BCL11B: variants seen among roughly 807,000 people sequenced by gnomAD.
BCL11B encodes the protein BCL11 transcription factor B.
Under a neutral mutation model 49.9 loss-of-function variants are expected in BCL11B, and 8 were observed. The observed-to-expected ratio is 0.16, with a 90% confidence interval of 0.09 to 0.29. The LOEUF (loss-of-function observed/expected upper bound fraction) is 0.29. Among genes scored for constraint, BCL11B ranks in the 10% least tolerant of loss-of-function variants. The probability of loss-of-function intolerance (pLI) is 1.00; values close to 1 mark genes in which losing one functional copy is unlikely to be tolerated. For synonymous variants in BCL11B, 739 were observed against 637.4 expected (o/e 1.16, Z -2.40); for missense variants, 1,006 against 1,351.0 (o/e 0.74, Z 4.00).
In BCL11B at chr14:99,175,387, C is replaced by A. The variant is rs764427299; in HGVS notation, c.1449G>T (p.Ser483=). Residue 483 remains serine (S), a synonymous_variant, in exon 4 of 4, where the codon TCG becomes TCT. Transcript: ENST00000357195. Reference sequence around the variant, plus strand: ...GCCCGTCGTCGGAGCGGCCGGCCAGCGAGCCGGCCTTGTGCATGTGCGTCT... The same window carrying A: ...GCCCGTCGTCGGAGCGGCCGGCCAGAGAGCCGGCCTTGTGCATGTGCGTCT... The part of the protein sequence containing the change: ...HMKTHMHKAG[S]LAGRSDDGLS... 1.3e-6 allele frequency: 2 copies of A among 1,595,032 alleles called. No homozygotes were observed. The highest frequency in any genetic ancestry group is 2.2e-5 in the South Asian group (2 of 89,930).
rs565620611 is a variant in BCL11B, at chr14:99,203,376, G to A, written c.641-27181C>T. Reference sequence around the variant, plus strand: ...ACTTGACCCCTGAGACCTTCTAGTGGCAGGATGCTGACATGCATGCCTGGG... The same window carrying A: ...ACTTGACCCCTGAGACCTTCTAGTGACAGGATGCTGACATGCATGCCTGGG... On this transcript the variant is annotated intron_variant, in intron 3 of 3. Transcript: ENST00000357195. Among the ~76,000 whole-genome samples the A allele has an allele frequency of 7.9e-5, 12 of 152,304 alleles. No homozygotes were observed. In the South Asian group the frequency reaches 1.5e-3, roughly 18 times the overall value.
At chr14:99,269,620 C>G (rs1393398835) in intron 1 of BCL11B, among the ~76,000 whole-genome samples, 1 of 151,928 alleles carries the variant, frequency 6.6e-6, no homozygotes, top group Non-Finnish European at 1.5e-5. Flanking sequence ...CAGATGGCTC[C>G]TATGCTGGGT....
At chr14:99,268,638 CT>C (rs1357215069) in intron 1 of BCL11B, among the ~76,000 whole-genome samples, 1 of 151,982 alleles carries the variant, frequency 6.6e-6, no homozygotes, top group Non-Finnish European at 1.5e-5. Flanking sequence ...GCTCTCCCAC[CT>C]CCCTCCCAGG....
At position 99,262,292 on chromosome 14, in the gene BCL11B, G is replaced by A. The variant is rs1324935404; in HGVS notation, c.59-4453C>T. Among the ~76,000 whole-genome samples, 1 of 152,204 alleles carries A rather than the reference G, an allele frequency of 6.6e-6. No homozygotes were observed. Among genetic ancestry groups the A allele is most frequent in the African/African-American group, 2.4e-5 (1 of 41,456 alleles). On this transcript the variant is annotated intron_variant, in intron 1 of 3. Coordinates refer to ENST00000357195, the MANE Select transcript of BCL11B (RefSeq NM_138576.4). This position sits in a 1 kb window ranked among gnomAD's most constrained non-coding sequence, Gnocchi z 4.2. The stretch of plus-strand genomic sequence containing the variant: ...GGGAACTCCAGCCGAGAGGTCTGCT[G>A]CCTGCTGTCCCCAGAGCACAGGCAT...
rs919290740 is a variant in BCL11B, at chr14:99,184,249, G to T, written c.641-8054C>A. Reference sequence around the variant, plus strand: ...GCCATTCCTGCTTCTTGGAATACCTGCCGTTTATTCTCTCCCCATAAAATA... The same window carrying T: ...GCCATTCCTGCTTCTTGGAATACCTTCCGTTTATTCTCTCCCCATAAAATA... On this transcript the variant is annotated intron_variant, in intron 3 of 3. Coordinates refer to ENST00000357195, the MANE Select transcript of BCL11B (RefSeq NM_138576.4). The surrounding 1 kb of genome is among the most constrained non-coding windows in gnomAD (Gnocchi z 6.1). 3.3e-5 allele frequency among the ~76,000 whole-genome samples: 5 copies of T among 152,094 alleles called. No homozygotes were observed. Among genetic ancestry groups the T allele is most frequent in the African/African-American group, 4.8e-5 (2 of 41,410 alleles).
rs1430994150 is a variant in BCL11B at position 99,174,580 on chromosome 14, G to A, written c.2256C>T (p.Phe752=). Reference sequence around the variant, plus strand: ...CCAGCAGGTCCCCGGGCGGCGTGGAGAAGCGCAGGCTGCCGTTCTCGGACG... The same window carrying A: ...CCAGCAGGTCCCCGGGCGGCGTGGAAAAGCGCAGGCTGCCGTTCTCGGACG... ...EHSSENGSLR[F]STPPGDLLDG... is the part of the protein sequence containing the mutation. The change falls in exon 4 of 4, where the codon TTC becomes TTT. Residue 752 remains phenylalanine, a synonymous_variant. Transcript: ENST00000357195. 1.3e-6 allele frequency: 2 copies of A among 1,522,746 alleles called. No individual in the cohort carries two copies. Among genetic ancestry groups the A allele is most frequent in the Non-Finnish European group, 8.8e-7 (1 of 1,137,998 alleles). The allele number at this position is 1,522,746 out of a possible 1,614,324, so 94.3% of individuals were successfully genotyped here. A position where few individuals can be genotyped will look rare whatever the true frequency, so the allele number is the denominator to read the frequency against.
intron 3 of BCL11B, among the ~76,000 whole-genome samples, chr14:99,217,121 C>T (rs1011384762): frequency 2.6e-5 from 4 of 152,166 alleles, no homozygotes; most frequent in Non-Finnish European, 5.9e-5. Context: ...TACACATACA[C>T]ATATGTGCAC....
Position 99,231,608 on chromosome 14 carries a change from G to T in BCL11B, c.428-51C>A. The T allele has an allele frequency of 6.6e-7, 1 of 1,519,320 alleles. No homozygotes were observed. Among genetic ancestry groups the T allele is most frequent in the South Asian group, 1.2e-5 (1 of 83,398 alleles). 94.1% of individuals were successfully genotyped at this position (1,519,320 alleles called of 1,614,324 possible). A position where few individuals can be genotyped will look rare whatever the true frequency, so the allele number is the denominator to read the frequency against. ...TGGTCAGTCGGGCCCTGGACTGTGT[G>T]AGGGGCACGGGGTGGGACGGGGCTC... On this transcript the variant is annotated intron_variant, in intron 2 of 3. Transcript: ENST00000357195. The surrounding 1 kb of genome is among the most constrained non-coding windows in gnomAD (Gnocchi z 8.1).
chr14:99,232,588 C>G lies in BCL11B; in HGVS notation c.428-1031G>C, dbSNP rs910664182. Reference sequence around the variant, plus strand: ...GGGTGGGAGTCTGCCCACTCCAGGGCCCCCACGTGGATTCCCCCATCGCAA... The same window carrying G: ...GGGTGGGAGTCTGCCCACTCCAGGGGCCCCACGTGGATTCCCCCATCGCAA... On this transcript the variant is annotated intron_variant, in intron 2 of 3. Transcript: ENST00000357195. This position sits in a 1 kb window ranked among gnomAD's most constrained non-coding sequence, Gnocchi z 5.1. 1.3e-5 allele frequency among the ~76,000 whole-genome samples: 2 copies of G among 152,310 alleles called. No individual in the cohort carries two copies. Among genetic ancestry groups the G allele is most frequent in the Non-Finnish European group, 2.9e-5 (2 of 68,018 alleles).
At chr14:99,237,398 G>A (rs575128629) in intron 2 of BCL11B, among the ~76,000 whole-genome samples, 2 of 152,170 alleles carry the variant, frequency 1.3e-5, no homozygotes, top group Non-Finnish European at 2.9e-5. Context: ...ATGAAAAGCT[G>A]CAAGTCTAGG....
chr14:99,229,043 CATGGATGGATGGATGG>C lies in BCL11B; in HGVS notation c.640+2286_640+2301del, dbSNP rs1181779397. Among the ~76,000 whole-genome samples, 24 of 104,858 alleles carry C rather than the reference CATGGATGGATGGATGG, an allele frequency of 2.3e-4. No homozygotes were observed. The South Asian group carries it at 3.4e-3, about 15-fold the overall frequency. 68.8% of individuals were successfully genotyped at this position (104,858 alleles called of 152,430 possible). A position where few individuals can be genotyped will look rare whatever the true frequency, so the allele number is the denominator to read the frequency against. On this transcript the variant is annotated intron_variant, in intron 3 of 3. Coordinates refer to ENST00000357195, the MANE Select transcript of BCL11B (RefSeq NM_138576.4). Reference sequence around the variant, plus strand: ...GGATGGATGGATGGATGGATGGATGCATGGATGGATGGATGGATGGATGGATGGATGGATGGATGGA... The same window carrying C: ...GGATGGATGGATGGATGGATGGATGCATGGATGGATGGATGGATGGATGGA...
In BCL11B at chr14:99,271,754, AAT is replaced by A. The variant is rs1029157596; in HGVS notation, c.-538_-537del. On this transcript the variant is annotated 5_prime_UTR_variant, in exon 1 of 4. Coordinates refer to ENST00000357195, the MANE Select transcript of BCL11B (RefSeq NM_138576.4). ...GAAAAAAAATGCAAACAAATAAAAA[AAT>A]AAAAGAAGAAAAAGCAAAGGAAAAA... is the stretch of plus-strand genomic sequence containing the variant. 2.2e-3 allele frequency among the ~76,000 whole-genome samples: 327 copies of A among 152,004 alleles called. No homozygotes were observed. Among genetic ancestry groups the A allele is most frequent in the African/African-American group, 7.5e-3 (310 of 41,358 alleles).
At position 99,195,294 on chromosome 14, in the gene BCL11B, T is replaced by C. The variant is rs1261543521; in HGVS notation, c.641-19099A>G. On this transcript the variant is annotated intron_variant, in intron 3 of 3. Coordinates refer to ENST00000357195, the MANE Select transcript of BCL11B (RefSeq NM_138576.4). This position sits in a 1 kb window ranked among gnomAD's most constrained non-coding sequence, Gnocchi z 4.7. Reference sequence around the variant, plus strand: ...ACAGTGGTCCACTCTGACCCAGGGCTCCTCTGGAAGAAAAGGAAGAGAAGC... The same window carrying C: ...ACAGTGGTCCACTCTGACCCAGGGCCCCTCTGGAAGAAAAGGAAGAGAAGC... Among the ~76,000 whole-genome samples, 1 of 151,978 alleles carries C rather than the reference T, an allele frequency of 6.6e-6. No individual in the cohort carries two copies. Among genetic ancestry groups the C allele is most frequent in the African/African-American group, 2.4e-5 (1 of 41,364 alleles).
At chr14:99,260,085 A>G (rs1338722162) in intron 1 of BCL11B, among the ~76,000 whole-genome samples, 1 of 152,252 alleles carries the variant, frequency 6.6e-6, no homozygotes, top group Non-Finnish European at 1.5e-5. Context: ...CCATTTTTAC[A>G]GAAGGTGCTC....
chr14:99,270,974 G>C (rs1227630547), intron 1 of BCL11B, among the ~76,000 whole-genome samples, 187 bp downstream of exon 1: 1 of 151,254 alleles, frequency 6.6e-6, no homozygotes, highest in Non-Finnish European at 1.5e-5. Flanking sequence ...CCAACTCCCC[G>C]GGCTGCAAAG....
At chr14:99,252,830 C>T (rs1566830823) in intron 2 of BCL11B, among the ~76,000 whole-genome samples, 1 of 152,250 alleles carries the variant, frequency 6.6e-6, no homozygotes, top group Non-Finnish European at 1.5e-5. Context: ...TGAAAACAGG[C>T]AAAACCAAAT....
intron 3 of BCL11B, among the ~76,000 whole-genome samples, chr14:99,224,982 G>A (rs1595262232): frequency 7.2e-5 from 11 of 152,144 alleles, no homozygotes; most frequent in Admixed American, 7.2e-4. Flanking sequence ...AACCCAGGAT[G>A]TGTCTGGTGG....
intron 1 of BCL11B, 120 bp downstream of exon 1, chr14:99,271,041 G>T: frequency 1.9e-6 from 2 of 1,073,194 alleles, no homozygotes; most frequent in Non-Finnish European, 2.5e-6. Flanking sequence ...CGTAGACTCT[G>T]CCAGCCAGCG....
At chr14:99,270,220 T>C (rs1431443542) in intron 1 of BCL11B, among the ~76,000 whole-genome samples, 2 of 152,188 alleles carry the variant, frequency 1.3e-5, no homozygotes, top group African/African-American at 4.8e-5. Flanking sequence ...GGATTTCCAC[T>C]GCGACCTGCC....
Sources: allele counts gnomAD v4.1 joint callset (sites outside exome capture counted in the v4.1 genomes callset), GRCh38; gene constraint gnomAD v4.1.1; non-coding constraint Gnocchi (gnomAD v3.1); transcripts MANE v1.5; gene names NCBI Gene and HGNC (gene_info 2026-07-23, HGNC 2026-07-21).